The following LDLRAD3 variants were observed in gnomAD, a reference collection of about 807,000 sequenced individuals.
LDLRAD3 encodes low density lipoprotein receptor class A domain containing 3.
A neutral mutation model predicts 29.4 loss-of-function variants in LDLRAD3; 20 were observed. The ratio of observed to expected loss-of-function variants is 0.68; its 90% CI spans 0.48 to 0.99. The LOEUF is 0.99. Ranked by LOEUF, LDLRAD3 falls within the 50% of genes least tolerant of loss-of-function variation. LDLRAD3 has a pLI of 0.00. For missense variants in LDLRAD3, 420 were observed against 454.3 expected (o/e 0.92, Z 0.69); for synonymous variants, 157 against 192.7 (o/e 0.81, Z 1.53).
intron 2 of LDLRAD3, among the ~76,000 whole-genome samples, chr11:36,078,240 T>C (rs1480041598): frequency 6.6e-6 from 1 of 152,176 alleles, no homozygotes; most frequent in Non-Finnish European, 1.5e-5. Context: ...GCCTCAGGCC[T>C]TCCCTGGCTT....
At chr11:36,189,824 T>C (rs1590342502) in intron 4 of LDLRAD3, among the ~76,000 whole-genome samples, 1 of 151,916 alleles carries the variant, frequency 6.6e-6, no homozygotes, top group Admixed American at 6.6e-5. Context: ...TGAGAACATG[T>C]GGTGTTTGGT....
intron 4 of LDLRAD3, among the ~76,000 whole-genome samples, chr11:36,140,314 GAAGAGGATGCGC>G (rs1042844019): frequency 3.3e-5 from 5 of 152,208 alleles, no homozygotes; most frequent in Admixed American, 2.6e-4. Flanking sequence ...GGCCTGTGTA[GAAGAGGATGCGC>G]ATACGCTCAT....
chr11:36,061,208 G>A (rs1376153737), intron 2 of LDLRAD3, among the ~76,000 whole-genome samples: 1 of 152,076 alleles, frequency 6.6e-6, no homozygotes, highest in Non-Finnish European at 1.5e-5. Flanking sequence ...GTGCAATCTC[G>A]GCTCACTGCA....
chr11:35,953,958 T>A (rs1003461918), intron 1 of LDLRAD3, among the ~76,000 whole-genome samples: 1 of 152,244 alleles, frequency 6.6e-6, no homozygotes, highest in Non-Finnish European at 1.5e-5. Context: ...TGATGCTTAC[T>A]ACTGTAAAAG....
chr11:35,967,626 C>A (rs1851358131), intron 1 of LDLRAD3: 1 of 462,190 alleles, frequency 2.2e-6, no homozygotes, highest in Non-Finnish European at 4.2e-6. Context: ...TTTTCAACTT[C>A]TGTGACTCCA....
At chr11:36,165,639 G>A (rs1854502116) in intron 4 of LDLRAD3, among the ~76,000 whole-genome samples, 1 of 152,068 alleles carries the variant, frequency 6.6e-6, no homozygotes, top group South Asian at 2.1e-4. Flanking sequence ...GGAAGGTCCT[G>A]CTGTGTTTTG....
chr11:36,131,808 C>G (rs1193290516), intron 4 of LDLRAD3, among the ~76,000 whole-genome samples: 1 of 152,192 alleles, frequency 6.6e-6, no homozygotes, highest in Non-Finnish European at 1.5e-5. Context: ...TTTGTATAGT[C>G]TATATCACAC....
intron 4 of LDLRAD3, among the ~76,000 whole-genome samples, chr11:36,110,317 C>A (rs1853588658): frequency 6.6e-6 from 1 of 152,156 alleles, no homozygotes; most frequent in African/African-American, 2.4e-5. Context: ...GTGCAGGTTT[C>A]CCCTCCTTGT....
At chr11:35,973,046 C>T (rs1217306870) in intron 1 of LDLRAD3, among the ~76,000 whole-genome samples, 52 of 137,456 alleles carry the variant, frequency 3.8e-4, no homozygotes, top group African/African-American at 1.5e-3. Context: ...GAGCGAGACT[C>T]CATCTCAAAA....
chr11:36,153,827 T>C (rs1303269200), intron 4 of LDLRAD3, among the ~76,000 whole-genome samples: 5 of 152,144 alleles, frequency 3.3e-5, no homozygotes, highest in African/African-American at 1.2e-4. Context: ...CTTTGCTTGT[T>C]AATGTTTTTT....
intron 4 of LDLRAD3, among the ~76,000 whole-genome samples, chr11:36,179,589 T>A (rs1489780390): frequency 6.6e-6 from 1 of 152,134 alleles, no homozygotes; most frequent in Non-Finnish European, 1.5e-5. Flanking sequence ...CAAATAAAGT[T>A]GAGTTTGAAT....
At chr11:36,220,284 C>T (rs1855410659) in intron 4 of LDLRAD3, among the ~76,000 whole-genome samples, 1 of 152,128 alleles carries the variant, frequency 6.6e-6, no homozygotes, top group Non-Finnish European at 1.5e-5. Flanking sequence ...AACAGTGGGA[C>T]AATTTCTTCT....
chr11:36,077,734 G>A (rs1445721888), intron 2 of LDLRAD3, among the ~76,000 whole-genome samples: 1 of 152,220 alleles, frequency 6.6e-6, no homozygotes, highest in Non-Finnish European at 1.5e-5. Flanking sequence ...CCTAAAGAGT[G>A]TATCACAAAC....
At chr11:36,170,804 CTTTT>C (rs763207036) in intron 4 of LDLRAD3, among the ~76,000 whole-genome samples, 4 of 138,308 alleles carry the variant, frequency 2.9e-5, no homozygotes, top group Non-Finnish European at 3.2e-5. Context: ...TGTATATCTT[CTTTT>C]TTTTTTTTTT....
intron 4 of LDLRAD3, among the ~76,000 whole-genome samples, chr11:36,193,700 C>T (rs1216583757): frequency 6.6e-6 from 1 of 152,144 alleles, no homozygotes; most frequent in Admixed American, 6.5e-5. Flanking sequence ...AAAATTCGCC[C>T]TGACACCTTT....
In LDLRAD3 at chr11:36,229,628, T is replaced by TAATGATAC; in HGVS notation, c.*231_*232insAATGATAC. 2 of 474,280 alleles carry TAATGATAC rather than the reference T, an allele frequency of 4.2e-6. No individual in the cohort carries two copies. The allele number at this position is 474,280 out of a possible 1,614,324, so 29.4% of individuals were successfully genotyped here. On this transcript the variant is annotated 3_prime_UTR_variant, in exon 6 of 6. Transcript: ENST00000315571. ...CTTTTCTGTCAGGTCACTCTTCCCT[T>TAATGATAC]GGGACCCGAGATCACACCCTCATTT...
chr11:35,993,936 G>A (rs147006876), intron 1 of LDLRAD3, among the ~76,000 whole-genome samples: 192 of 152,202 alleles, frequency 1.3e-3, no homozygotes, highest in African/African-American at 4.4e-3. Flanking sequence ...CAGGAAGGAC[G>A]TTTTCCCACG....
intron 4 of LDLRAD3, among the ~76,000 whole-genome samples, chr11:36,191,578 A>C (rs58456183): frequency 0.22 from 13,306 of 60,658 alleles, 796 homozygotes; most frequent in Non-Finnish European, 0.23. Flanking sequence ...CTCTCTCTCT[A>C]TATATATATA....
intron 4 of LDLRAD3, among the ~76,000 whole-genome samples, chr11:36,124,818 A>G (rs1378738802): frequency 2.0e-5 from 3 of 151,600 alleles, no homozygotes; most frequent in African/African-American, 7.3e-5. Context: ...CAGACTCCCG[A>G]GTAGCTGGGA....
Sources: gnomAD v4.1 joint callset for allele counts (sites outside exome capture counted in the v4.1 genomes callset) on GRCh38, gnomAD v4.1.1 for gene constraint, MANE v1.5 for transcripts, NCBI Gene and HGNC (gene_info 2026-07-23, HGNC 2026-07-21) for gene names.